Variants in SPOUT1 observed in about 807,000 individuals in gnomAD.
SPOUT1 encodes 28S rRNA (uridine-N(3))-methyltransferase.
Under a neutral mutation model 54.8 loss-of-function variants are expected in SPOUT1, and 40 were observed. That is an observed-to-expected ratio of 0.73 (90% CI 0.57 to 0.95). SPOUT1 has a LOEUF of 0.95. SPOUT1 is among the 40% of genes least tolerant of loss of function. The pLI is 0.00. For synonymous variants in SPOUT1, 193 were observed against 200.3 expected, an observed-to-expected ratio of 0.96 and a Z score of 0.31; for missense variants, 437 against 499.5, an observed-to-expected ratio of 0.87 and a Z score of 1.19.
At chr9:128,825,180 C>T (rs1276617469) in intron 7 of SPOUT1, 131 bp from the exon 8 acceptor site, 9 of 657,760 alleles carry the variant, frequency 1.4e-5, no homozygotes, top group Non-Finnish European at 2.2e-5. Context: ...CTGCCACCCT[C>T]CACCCCTGGC....
At chr9:128,823,697 C>T in intron 11 of SPOUT1, 50 bp downstream of exon 11, 2 of 1,539,984 alleles carry the variant, frequency 1.3e-6, no homozygotes, top group Non-Finnish European at 1.8e-6. Context: ...GCCCCTCGGA[C>T]AGATCCCAAG....
rs1295697193 is a variant in SPOUT1 at position 128,826,431 on chromosome 9, T to C, written c.461A>G (p.Tyr154Cys). Residue 154 changes from tyrosine (Y) to cysteine (C), a missense_variant and splice_region_variant, in exon 6 of 12, where the codon TAC becomes TGC. Transcript: ENST00000361256. This position sits in a 1 kb window ranked among gnomAD's most constrained non-coding sequence, Gnocchi z 5.5. ...RILQYLECPQ[Y>C]LRKAFFPKHQ... ...CTTGGGGAAGAACGCCTTCCTCAGG[T>C]ACCTAGGAAAGAATGCTGACCTCAG... The C allele has an allele frequency of 2.5e-6, 4 of 1,613,946 alleles. No individual in the cohort carries two copies. The highest frequency in any genetic ancestry group is 3.4e-6 in the Non-Finnish European group (4 of 1,179,944).
At chr9:128,823,658 G>A in intron 11 of SPOUT1, 89 bp downstream of exon 11, 1 of 1,235,462 alleles carries the variant, frequency 8.1e-7, no homozygotes, top group South Asian at 1.5e-5. Context: ...CCACGGGCAA[G>A]GGTGGGTGAC....
chr9:128,829,710 G>A (rs765997334), intron 1 of SPOUT1, 35 bp downstream of exon 1: 1 of 1,522,832 alleles, frequency 6.6e-7, no homozygotes, highest in South Asian at 1.2e-5. Flanking sequence ...CCTCCACCAT[G>A]CTGCCCTGCA....
At chr9:128,824,011 C>A (rs1239336258) in intron 10 of SPOUT1, 61 bp downstream of exon 10, 1 of 1,579,738 alleles carries the variant, frequency 6.3e-7, no homozygotes, top group East Asian at 2.2e-5. Context: ...CAGCTTCACC[C>A]ACCAGGCAGG....
chr9:128,827,715 A>T (rs1830268318), intron 3 of SPOUT1, among the ~76,000 whole-genome samples: 1 of 152,306 alleles, frequency 6.6e-6, no homozygotes, highest in Admixed American at 6.5e-5. Flanking sequence ...TGAGGTCAGG[A>T]GTTCAAGACC....
rs1341336853 is a variant in SPOUT1, at chr9:128,827,077, CAGA to C, written c.320_322del (p.Phe107del). On this transcript the variant is annotated inframe_deletion, in exon 4 of 12. Transcript: ENST00000361256. ...ATCAAACACCACGATCTCATCCACA[CAGA>C]AGATGGCACAGGCTCTGGCAATCTG... is the stretch of plus-strand genomic sequence containing the variant. The C allele has an allele frequency of 2.5e-5, 40 of 1,614,210 alleles. No homozygotes were observed. The highest frequency in any genetic ancestry group is 3.3e-5 in the Non-Finnish European group (39 of 1,180,042).
chr9:128,824,282 GT>G, intron 9 of SPOUT1, 108 bp from the exon 10 acceptor site: 1 of 559,622 alleles, frequency 1.8e-6, no homozygotes, highest in Admixed American at 2.4e-5. Context: ...GCTGTGTGGT[GT>G]GTGTGTGTGT....
chr9:128,820,601 C>T lies in SPOUT1; in HGVS notation c.*2164G>A. The T allele has an allele frequency of 1.4e-6, 1 of 706,922 alleles. No homozygotes were observed. Among genetic ancestry groups the T allele is most frequent in the Non-Finnish European group, 2.4e-6 (1 of 411,336 alleles). The allele number at this position is 706,922 out of a possible 1,614,324, so 43.8% of individuals were successfully genotyped here. ...TGGGTTTCAGGGAGTGACTTTCATT[C>T]CTTGAGCCTCAGTTTCCCCCCGCTT... is the stretch of plus-strand genomic sequence containing the variant. On this transcript the variant is annotated 3_prime_UTR_variant, in exon 12 of 12. Coordinates refer to ENST00000361256, the MANE Select transcript of SPOUT1 (RefSeq NM_016390.4).
chr9:128,829,207 T>C, intron 1 of SPOUT1, 52 bp from the exon 2 acceptor site: 1 of 1,469,130 alleles, frequency 6.8e-7, no homozygotes, highest in South Asian at 1.1e-5. Flanking sequence ...TGGTCACACC[T>C]GGAGGGGGTC....
At position 128,822,768 on chromosome 9, in the gene SPOUT1, G is replaced by T. The variant is rs748918864; in HGVS notation, c.1128C>A (p.Thr376=). 6.3e-7 allele frequency: 1 copy of T among 1,576,500 alleles called. No homozygotes were observed. The highest frequency in any genetic ancestry group is 1.2e-5 in the South Asian group (1 of 86,140). Residue 376 remains threonine, a synonymous_variant, in exon 12 of 12, where the codon ACC becomes ACA. Coordinates refer to ENST00000361256, the MANE Select transcript of SPOUT1 (RefSeq NM_016390.4). ...TGTCCTCGGCCCCTTAGAACTTTCAGGTGTGCCGGGCACCCGCCTGGATGA... is the reference window on the plus strand; with the variant it reads ...TGTCCTCGGCCCCTTAGAACTTTCATGTGTGCCGGGCACCCGCCTGGATGA... The part of the protein sequence containing the change: ...PGLIQAGARH[T]
Position 128,824,829 on chromosome 9 carries a change from G to T in SPOUT1, c.753C>A (p.Asp251Glu). 6.2e-7 allele frequency: 1 copy of T among 1,614,088 alleles called. No individual in the cohort carries two copies. Among genetic ancestry groups the T allele is most frequent in the Non-Finnish European group, 8.5e-7 (1 of 1,179,976 alleles). Residue 251 changes from aspartate (D) to glutamate (E), a missense_variant, in exon 9 of 12, where the codon GAC becomes GAA. Coordinates refer to ENST00000361256, the MANE Select transcript of SPOUT1 (RefSeq NM_016390.4). The stretch of plus-strand genomic sequence containing the variant: ...AGTAGAGACCAGCTTTGGTGCGAGG[G>T]TCCTGCGATGATACCACTTTGCCAT... ...TYHGKVVSSQ[D>E]PRTKAGLYWG...
At chr9:128,825,527 TC>T (rs888382065) in intron 7 of SPOUT1, among the ~76,000 whole-genome samples, 11 of 152,124 alleles carry the variant, frequency 7.2e-5, no homozygotes. Flanking sequence ...AGACAGGGTT[TC>T]ACCATATTGG....
At position 128,821,499 on chromosome 9, in the gene SPOUT1, AC is replaced by A. The variant is rs1830118350; in HGVS notation, c.*1265del. 2 of 151,004 alleles carry A rather than the reference AC, an allele frequency of 1.3e-5. No homozygotes were observed. The highest frequency in any genetic ancestry group is 2.9e-5 in the Non-Finnish European group (2 of 68,444). The allele number at this position is 151,004 out of a possible 1,614,324, so 9.4% of individuals were successfully genotyped here. A position where few individuals can be genotyped will look rare whatever the true frequency, so the allele number is the denominator to read the frequency against. On this transcript the variant is annotated 3_prime_UTR_variant, in exon 12 of 12. Coordinates refer to ENST00000361256, the MANE Select transcript of SPOUT1 (RefSeq NM_016390.4). ...TGCTCTGCTTGGAGCACTTCCCTCCACCCTTCTCGGGAGTTTGAATCTAGAT... is the reference window on the plus strand; with the variant it reads ...TGCTCTGCTTGGAGCACTTCCCTCCACCTTCTCGGGAGTTTGAATCTAGAT...
chr9:128,822,575 G>C lies in SPOUT1; in HGVS notation c.*190C>G. 6.4e-7 allele frequency: 1 copy of C among 1,568,280 alleles called. No individual in the cohort carries two copies. The highest frequency in any genetic ancestry group is 8.6e-7 in the Non-Finnish European group (1 of 1,156,386). ...TGTGCCAAACATCCTGGCGCGGGCA[G>C]GCAGCCTCAAGGCCATCACGGCGGG... On this transcript the variant is annotated 3_prime_UTR_variant, in exon 12 of 12. Transcript: ENST00000361256.
intron 1 of SPOUT1, 65 bp downstream of exon 1, chr9:128,829,680 C>T (rs891362001): frequency 5.4e-6 from 7 of 1,304,356 alleles, no homozygotes; most frequent in African/African-American, 4.4e-5. Flanking sequence ...GCGAAGGCCC[C>T]CACGCCACTG....
Position 128,824,877 on chromosome 9 carries a change from G to A in SPOUT1, c.713-8C>T. ...CATGGTAGGTCTTGCAGTCTGGAGG[G>A]GTAACAGAGTCTGTAAAGATGGGGT... On this transcript the variant is annotated splice_polypyrimidine_tract_variant and splice_region_variant and intron_variant, in intron 8 of 11. Transcript: ENST00000361256. 1 of 1,610,404 alleles carries A rather than the reference G, an allele frequency of 6.2e-7. No individual in the cohort carries two copies. Among genetic ancestry groups the A allele is most frequent in the Non-Finnish European group, 8.5e-7 (1 of 1,176,630 alleles).
At position 128,826,353 on chromosome 9, in the gene SPOUT1, G is replaced by T. The variant is rs746999174; in HGVS notation, c.508+31C>A. ...TCAGTGTCTGTGGCATGATCCAGGG[G>T]AAATGGGGGGGCGGGCCCATACAGC... On this transcript the variant is annotated intron_variant, in intron 6 of 11. Coordinates refer to ENST00000361256, the MANE Select transcript of SPOUT1 (RefSeq NM_016390.4). This position sits in a 1 kb window ranked among gnomAD's most constrained non-coding sequence, Gnocchi z 5.5. 1 of 1,611,540 alleles carries T rather than the reference G, an allele frequency of 6.2e-7. No individual in the cohort carries two copies. The highest frequency in any genetic ancestry group is 1.7e-5 in the Admixed American group (1 of 60,016).
chr9:128,827,135 A>C lies in SPOUT1; in HGVS notation c.265T>G (p.Ser89Ala). 6.2e-7 allele frequency: 1 copy of C among 1,614,058 alleles called. No homozygotes were observed. Residue 89 changes from serine (S) to alanine (A), a missense_variant, in exon 4 of 12, where the codon TCG (serine) becomes GCG (alanine). Coordinates refer to ENST00000361256, the MANE Select transcript of SPOUT1 (RefSeq NM_016390.4). ...LPGSILDNAQ[S>A]PELRTYLAGQ... ...GCCAAGTAGGTGCGAAGCTCCGGCG[A>C]CTGAGCATTGTCCAGGATGGAGCCC...
Sources: gnomAD v4.1 joint callset for allele counts (sites outside exome capture counted in the v4.1 genomes callset) on GRCh38, gnomAD v4.1.1 for gene constraint, Gnocchi (gnomAD v3.1) non-coding constraint, MANE v1.5 for transcripts, NCBI Gene and HGNC (gene_info 2026-07-23, HGNC 2026-07-21) for gene names.